Variants in NUP98 observed in about 807,000 individuals in gnomAD.
The protein encoded by NUP98 is nuclear pore complex protein Nup98-Nup96.
NUP98 carries 26 observed loss-of-function variants against 191.9 expected under a neutral mutation model. The ratio of observed to expected loss-of-function variants is 0.14; its 90% CI spans 0.10 to 0.19. NUP98 has a LOEUF of 0.19. Among genes scored for constraint, NUP98 ranks in the 10% least tolerant of loss-of-function variants. The pLI is 1.00. For missense variants in NUP98, 1,941 were observed against 2,178.8 expected, an observed-to-expected ratio of 0.89 and a Z score of 2.17; for synonymous variants, 808 against 778.4, an observed-to-expected ratio of 1.04 and a Z score of -0.63.
At position 3,779,027 on chromosome 11, in the gene NUP98, T is replaced by C. The variant is rs1173555062; in HGVS notation, c.201A>G (p.Ser67=). Residue 67 remains serine, a synonymous_variant, in exon 4 of 33, where the codon TCA becomes TCG. Transcript: ENST00000324932. ...TTGTGGAGGTAGCTGGCTGGCTAAA[T>C]GAACTGGTTCCAAACAATCCTCCTG... The part of the protein sequence containing the change: ...TKPGGLFGTS[S]FSQPATSTST... 13 of 1,614,156 alleles carry C rather than the reference T, an allele frequency of 8.1e-6. No homozygotes were observed. Among genetic ancestry groups the C allele is most frequent in the Middle Eastern group, 3.3e-4 (2 of 6,062 alleles).
chr11:3,676,421 G>A lies in NUP98; in HGVS notation c.5186-45C>T, dbSNP rs754471116. 6 of 1,609,188 alleles carry A rather than the reference G, an allele frequency of 3.7e-6. No individual in the cohort carries two copies. In the African/African-American group the frequency reaches 6.7e-5, roughly 18 times the overall value. ...TCAAGCACTGAGCATGGGGTCTGGA[G>A]AAGGGTGGTAGGCACTGAGGGTGGG... is the stretch of plus-strand genomic sequence containing the variant. On this transcript the variant is annotated intron_variant, in intron 32 of 32. Coordinates refer to ENST00000324932, the MANE Select transcript of NUP98 (RefSeq NM_016320.5).
intron 11 of NUP98, among the ~76,000 whole-genome samples, chr11:3,752,257 C>T (rs970536187): frequency 2.0e-5 from 3 of 151,786 alleles, no homozygotes; most frequent in African/African-American, 4.8e-5. Flanking sequence ...GTGGCTCACA[C>T]CTGTAATCCC....
rs567720051 is a variant in NUP98 at position 3,713,555 on chromosome 11, CA to C, written c.2577+262del. On this transcript the variant is annotated intron_variant, in intron 19 of 32. Transcript: ENST00000324932. ...TCAACACTGAGAAACTCGATCTTTA[CA>C]AACATTTTAAAAAGTAGCCAGGCAT... 4.5e-4 allele frequency among the ~76,000 whole-genome samples: 68 copies of C among 152,208 alleles called. 2 individuals are homozygous for C. In the South Asian group the frequency reaches 0.014, roughly 31 times the overall value.
At chr11:3,764,495 T>C (rs1448185952) in intron 8 of NUP98, among the ~76,000 whole-genome samples, 5 of 152,214 alleles carry the variant, frequency 3.3e-5, no homozygotes, top group Non-Finnish European at 5.9e-5. Context: ...GTTTAACATT[T>C]TGAGGAACCA....
intron 20 of NUP98, among the ~76,000 whole-genome samples, chr11:3,709,997 A>C (rs1299154103): frequency 2.3e-5 from 3 of 133,274 alleles, no homozygotes; most frequent in African/African-American, 7.8e-5. Context: ...AAAAAAGTTT[A>C]CAAAAAAAAA....
At chr11:3,755,165 G>A (rs2080914271) in intron 10 of NUP98, among the ~76,000 whole-genome samples, 1 of 151,942 alleles carries the variant, frequency 6.6e-6, no homozygotes, top group Non-Finnish European at 1.5e-5. Flanking sequence ...TCATTTAAAA[G>A]TCATAAAGCA....
At chr11:3,678,757 T>C (rs1461118063) in intron 31 of NUP98, among the ~76,000 whole-genome samples, 1 of 152,134 alleles carries the variant, frequency 6.6e-6, no homozygotes, top group Non-Finnish European at 1.5e-5. Context: ...CCTATATTTA[T>C]TATAATGAGT....
intron 24 of NUP98, among the ~76,000 whole-genome samples, 155 bp downstream of exon 24, chr11:3,700,455 G>C (rs1437970165): frequency 1.3e-5 from 2 of 152,118 alleles, no homozygotes; most frequent in African/African-American, 4.8e-5. Flanking sequence ...ATTTCTTCTT[G>C]CTTGGGAATC....
intron 22 of NUP98, among the ~76,000 whole-genome samples, chr11:3,704,134 T>C (rs1478793927): frequency 6.6e-6 from 1 of 152,256 alleles, no homozygotes; most frequent in Non-Finnish European, 1.5e-5. Context: ...TGATACTTTT[T>C]TGGTTAATAT....
intron 9 of NUP98, 96 bp from the exon 10 acceptor site, chr11:3,760,722 G>C: frequency 1.1e-6 from 1 of 886,964 alleles, no homozygotes; most frequent in South Asian, 1.8e-5. Context: ...TGGGTATGGG[G>C]TGGGAGAAAG....
At chr11:3,732,961 G>T (rs1400220323) in intron 13 of NUP98, among the ~76,000 whole-genome samples, 1 of 152,154 alleles carries the variant, frequency 6.6e-6, no homozygotes, top group Non-Finnish European at 1.5e-5. Flanking sequence ...AAAGTTAAAT[G>T]TTCCTCTTCT....
chr11:3,768,936 A>G (rs770414704), intron 7 of NUP98, among the ~76,000 whole-genome samples, 192 bp from the exon 8 acceptor site: 6 of 152,158 alleles, frequency 3.9e-5, no homozygotes, highest in Admixed American at 6.6e-5. Context: ...AACTTCTGTA[A>G]TAACATCCTT....
intron 20 of NUP98, 78 bp downstream of exon 20, chr11:3,712,486 C>CT: frequency 6.3e-7 from 1 of 1,587,300 alleles, no homozygotes; most frequent in South Asian, 1.1e-5. Context: ...CATAAAACAG[C>CT]TTTGTATTAG....
intron 7 of NUP98, 93 bp from the exon 8 acceptor site, chr11:3,768,837 A>T: frequency 9.9e-7 from 1 of 1,008,418 alleles, no homozygotes; most frequent in Non-Finnish European, 1.4e-6. Flanking sequence ...CAGTTGTTGT[A>T]ATAGTCTTTA....
At position 3,700,857 on chromosome 11, in the gene NUP98, G is replaced by A. The variant is rs1379722619; in HGVS notation, c.3513-18C>T. Reference sequence around the variant, plus strand: ...CAGTTAGGCTACAAGAGCAAATGAGGAATAGAATAGAAAATGAACCTAAGA... The same window carrying A: ...CAGTTAGGCTACAAGAGCAAATGAGAAATAGAATAGAAAATGAACCTAAGA... On this transcript the variant is annotated intron_variant, in intron 23 of 32. Coordinates refer to ENST00000324932, the MANE Select transcript of NUP98 (RefSeq NM_016320.5). 1 of 1,548,742 alleles carries A rather than the reference G, an allele frequency of 6.5e-7. No homozygotes were observed. The highest frequency in any genetic ancestry group is 8.9e-7 in the Non-Finnish European group (1 of 1,127,082).
At chr11:3,678,949 C>G (rs1316956941) in intron 31 of NUP98, among the ~76,000 whole-genome samples, 1 of 151,970 alleles carries the variant, frequency 6.6e-6, no homozygotes. Flanking sequence ...TGGTGAAACA[C>G]TATCTCTACT....
Position 3,789,435 on chromosome 11 carries a change from A to G in NUP98, c.-28-7290T>C, listed in dbSNP as rs78658327. Reference sequence around the variant, plus strand: ...TATGATCATTCAACCTCTTCCATCTATCTCACATCTCTGTCTTTATTCCCA... The same window carrying G: ...TATGATCATTCAACCTCTTCCATCTGTCTCACATCTCTGTCTTTATTCCCA... On this transcript the variant is annotated intron_variant, in intron 1 of 32. Transcript: ENST00000324932. Among the ~76,000 whole-genome samples the G allele has an allele frequency of 9.2e-3, 1,384 of 150,722 alleles. 15 individuals are homozygous for G. The highest frequency in any genetic ancestry group is 0.012 in the Non-Finnish European group (810 of 67,840).
At chr11:3,776,167 G>C in intron 4 of NUP98, 146 bp from the exon 5 acceptor site, 1 of 602,930 alleles carries the variant, frequency 1.7e-6, no homozygotes, top group Non-Finnish European at 2.8e-6. Flanking sequence ...TGTCTCCTAG[G>C]ATGGAGTGCA....
chr11:3,706,390 G>A, intron 21 of NUP98, 55 bp downstream of exon 21: 1 of 1,516,086 alleles, frequency 6.6e-7, no homozygotes, highest in South Asian at 1.1e-5. Flanking sequence ...CTATGCAATG[G>A]AGATAAAATA....
Sources: gnomAD v4.1 joint callset for allele counts (sites outside exome capture counted in the v4.1 genomes callset) on GRCh38, gnomAD v4.1.1 for gene constraint, MANE v1.5 for transcripts, NCBI Gene and HGNC (gene_info 2026-07-23, HGNC 2026-07-21) for gene names.